Variants in NEK11 observed in about 807,000 individuals in gnomAD.
NEK11 encodes the protein serine/threonine-protein kinase Nek11.
NEK11 carries 72 observed loss-of-function variants against 80.7 expected under a neutral mutation model. The ratio of observed to expected loss-of-function variants is 0.89; its 90% CI spans 0.74 to 1.08. NEK11 has a LOEUF of 1.08. Among genes scored for constraint, NEK11 ranks in the 50% least tolerant of loss-of-function variants. The pLI is 0.00. For synonymous variants in NEK11, 251 were observed against 260.7 expected (o/e 0.96, Z 0.36); for missense variants, 764 against 763.6 (o/e 1.00, Z -0.01).
intron 7 of NEK11, among the ~76,000 whole-genome samples, chr3:131,148,744 G>GAT (rs5852616): frequency 0.087 from 12,974 of 149,032 alleles, 1,033 homozygotes; most frequent in East Asian, 0.43. Context: ...GTTTGTTACA[G>GAT]ATATATATAT....
At chr3:131,255,126 A>G (rs202108283) in intron 16 of NEK11, among the ~76,000 whole-genome samples, 2 of 147,586 alleles carry the variant, frequency 1.4e-5, no homozygotes, top group African/African-American at 5.1e-5. Flanking sequence ...GAAAGAAAGA[A>G]AGAGAGAAAG....
chr3:131,244,406 ACATTTAACATCGAAG>A (rs1206911317), intron 16 of NEK11, among the ~76,000 whole-genome samples: 2 of 152,126 alleles, frequency 1.3e-5, no homozygotes, highest in East Asian at 3.9e-4. Flanking sequence ...TTTAACAAGT[ACATTTAACATCGAAG>A]CATGACTTAA....
chr3:131,184,725 G>T, intron 14 of NEK11: 1 of 1,248,142 alleles, frequency 8.0e-7, no homozygotes, highest in Non-Finnish European at 1.0e-6. Flanking sequence ...AATTTCACTA[G>T]ACGAATACTG....
intron 14 of NEK11, among the ~76,000 whole-genome samples, chr3:131,203,647 T>C (rs1303330017): frequency 7.4e-6 from 1 of 134,892 alleles, no homozygotes; most frequent in Non-Finnish European, 1.6e-5. Flanking sequence ...GATATTGTGA[T>C]ACACACACAC....
At chr3:131,115,354 C>G (rs2080841671) in intron 5 of NEK11, among the ~76,000 whole-genome samples, 1 of 152,086 alleles carries the variant, frequency 6.6e-6, no homozygotes, top group Non-Finnish European at 1.5e-5. Context: ...CTCAGCCTCC[C>G]TAATTCATGA....
intron 15 of NEK11, among the ~76,000 whole-genome samples, chr3:131,240,295 G>T (rs983291639): frequency 6.6e-6 from 1 of 152,094 alleles, no homozygotes; most frequent in Non-Finnish European, 1.5e-5. Flanking sequence ...GTTTTTATTG[G>T]TTTGTTTCCT....
rs140253095 is a variant in NEK11 at position 131,180,576 on chromosome 3, G to C, written c.1399+9689G>C. On this transcript the variant is annotated intron_variant, in intron 14 of 17. Coordinates refer to ENST00000383366, the MANE Select transcript of NEK11 (RefSeq NM_024800.5). ...AGCAAAATATAATTAAAAAAGGAATGAGCTATAAATCCCTTGTTACCTAGG... is the reference window on the plus strand; with the variant it reads ...AGCAAAATATAATTAAAAAAGGAATCAGCTATAAATCCCTTGTTACCTAGG... 3.4e-3 allele frequency among the ~76,000 whole-genome samples: 520 copies of C among 152,166 alleles called. 2 individuals are homozygous for C. Among genetic ancestry groups the C allele is most frequent in the African/African-American group, 0.012 (478 of 41,534 alleles).
intron 4 of NEK11, among the ~76,000 whole-genome samples, chr3:131,095,145 A>G (rs1312827752): frequency 6.6e-6 from 1 of 152,154 alleles, no homozygotes; most frequent in Non-Finnish European, 1.5e-5. Flanking sequence ...TGTATATCTT[A>G]ACAATTTCAG....
chr3:131,284,235 T>A (rs2096442093), intron 17 of NEK11, among the ~76,000 whole-genome samples: 1 of 152,208 alleles, frequency 6.6e-6, no homozygotes, highest in Non-Finnish European at 1.5e-5. Context: ...TGACTTATCA[T>A]CTTTCTCTGA....
intron 17 of NEK11, among the ~76,000 whole-genome samples, chr3:131,313,589 CAT>C (rs968987209): frequency 6.6e-6 from 1 of 151,828 alleles, no homozygotes; most frequent in Non-Finnish European, 1.5e-5. Context: ...AGTTTTTTTT[CAT>C]ATGTTTGTTG....
rs116446441 is a variant in NEK11 at position 131,295,702 on chromosome 3, A to G, written c.1718+22128A>G. On this transcript the variant is annotated intron_variant, in intron 17 of 17. Transcript: ENST00000383366. The stretch of plus-strand genomic sequence containing the variant: ...ACCATCTATTTTTAACTAGTATGCT[A>G]TTGATTTCTTTTTATGGTTTTAATT... Among the ~76,000 whole-genome samples, 1,492 of 152,142 alleles carry G rather than the reference A, an allele frequency of 9.8e-3. 20 individuals are homozygous for G. The highest frequency in any genetic ancestry group is 0.032 in the African/African-American group (1,335 of 41,512).
intron 3 of NEK11, among the ~76,000 whole-genome samples, chr3:131,049,826 T>C (rs1158284300): frequency 6.6e-6 from 1 of 152,202 alleles, no homozygotes; most frequent in Admixed American, 6.5e-5. Flanking sequence ...TTTTGTTTTT[T>C]AAACTATATA....
chr3:131,122,240 C>G (rs1007201837), intron 5 of NEK11, among the ~76,000 whole-genome samples: 15 of 152,270 alleles, frequency 9.9e-5, no homozygotes, highest in Admixed American at 8.5e-4. Flanking sequence ...AGGAGGTGTC[C>G]TACCCCAGAT....
intron 14 of NEK11, among the ~76,000 whole-genome samples, chr3:131,200,746 T>C (rs879435585): frequency 2.0e-5 from 3 of 152,200 alleles, no homozygotes; most frequent in Admixed American, 1.3e-4. Flanking sequence ...ATATAAACCC[T>C]AGAGTTAGTG....
At chr3:131,112,569 A>T (rs1428497864) in intron 5 of NEK11, among the ~76,000 whole-genome samples, 1 of 152,198 alleles carries the variant, frequency 6.6e-6, no homozygotes, top group Non-Finnish European at 1.5e-5. Flanking sequence ...AATGTAAGTT[A>T]TACTCTAGTT....
intron 14 of NEK11, among the ~76,000 whole-genome samples, chr3:131,172,048 G>A (rs2092725784): frequency 6.6e-6 from 1 of 152,238 alleles, no homozygotes; most frequent in Admixed American, 6.5e-5. Context: ...TGAAAAGAGA[G>A]GTTTGGTGAA....
chr3:131,168,455 C>G (rs1206468317), intron 12 of NEK11, among the ~76,000 whole-genome samples: 1 of 149,642 alleles, frequency 6.7e-6, no homozygotes, highest in South Asian at 2.1e-4. Flanking sequence ...CTCCCGGGTT[C>G]ACGCCATTCT....
At chr3:131,191,885 C>G (rs6800270) in intron 14 of NEK11, among the ~76,000 whole-genome samples, 67,116 of 151,906 alleles carry the variant, frequency 0.44, 16,987 homozygotes, top group Middle Eastern at 0.66. Flanking sequence ...TTGGATATGA[C>G]AGTAATTTAT....
chr3:131,256,993 A>AT (rs201519829), intron 16 of NEK11, among the ~76,000 whole-genome samples: 11 of 150,782 alleles, frequency 7.3e-5, no homozygotes, highest in Admixed American at 4.6e-4. Context: ...CTCATTATCA[A>AT]TTTTTTTTTA....
Sources: gnomAD v4.1 joint callset for allele counts (sites outside exome capture counted in the v4.1 genomes callset) on GRCh38, gnomAD v4.1.1 for gene constraint, MANE v1.5 for transcripts, NCBI Gene and HGNC (gene_info 2026-07-23, HGNC 2026-07-21) for gene names.